The following CCDC150 variants were observed in gnomAD, a reference collection of about 807,000 sequenced individuals.
CCDC150 encodes the protein coiled-coil domain containing 150, also known as coiled-coil domain-containing protein 150.
Under a neutral mutation model 156.5 loss-of-function variants are expected in CCDC150, and 151 were observed. That is an observed-to-expected ratio of 0.97 (90% CI 0.85 to 1.10). CCDC150 has a LOEUF of 1.10. Among genes scored for constraint, CCDC150 ranks in the 50% least tolerant of loss-of-function variants. CCDC150 has a pLI of 0.00. For missense variants in CCDC150, 1,312 were observed against 1,268.1 expected (o/e 1.03, Z -0.53); for synonymous variants, 452 against 429.4 (o/e 1.05, Z -0.65).
At chr2:196,663,831 A>G (rs1324313489) in intron 5 of CCDC150, among the ~76,000 whole-genome samples, 1 of 152,150 alleles carries the variant, frequency 6.6e-6, no homozygotes, top group Non-Finnish European at 1.5e-5. Flanking sequence ...TATACTCTTA[A>G]TGTCATCTAC....
At chr2:196,702,317 CAG>C (rs1388899510) in intron 15 of CCDC150, among the ~76,000 whole-genome samples, 5 of 149,478 alleles carry the variant, frequency 3.3e-5, no homozygotes, top group African/African-American at 7.4e-5. Context: ...ATCAAAATCT[CAG>C]GGGATAGTTC....
At chr2:196,667,190 G>T (rs1693900417) in intron 7 of CCDC150, 1 of 315,148 alleles carries the variant, frequency 3.2e-6, no homozygotes, top group Non-Finnish European at 6.1e-6. Context: ...TATTAGTAAG[G>T]TAGTAAGGCC....
intron 6 of CCDC150, 64 bp from the exon 7 acceptor site, chr2:196,666,655 C>A: frequency 7.4e-7 from 1 of 1,356,630 alleles, no homozygotes; most frequent in Non-Finnish European, 1.0e-6. Flanking sequence ...TATACATGTG[C>A]TATAAGGCAG....
intron 5 of CCDC150, among the ~76,000 whole-genome samples, chr2:196,661,360 T>G (rs1311526152): frequency 2.6e-5 from 4 of 152,204 alleles, no homozygotes. Context: ...TCTGAGGCCT[T>G]TCTCCTTGGC....
chr2:196,656,704 A>T lies in CCDC150; in HGVS notation c.248A>T (p.Glu83Val). ...SQKVISPIQN[E>V]AICAGKTDIL... Reference sequence around the variant, plus strand: ...AAAGTCATTAGTCCTATCCAAAATGAAGCAATTTGTGCAGGAAAAACAGAT... The same window carrying T: ...AAAGTCATTAGTCCTATCCAAAATGTAGCAATTTGTGCAGGAAAAACAGAT... Residue 83 changes from glutamate (E) to valine (V), a missense_variant, in exon 3 of 28, where the codon GAA (glutamate) becomes GTA (valine). By Grantham distance (121) the Glu-to-Val change is moderately radical. Transcript: ENST00000389175. 6.2e-7 allele frequency: 1 copy of T among 1,613,784 alleles called. No homozygotes were observed. Among genetic ancestry groups the T allele is most frequent in the Non-Finnish European group, 8.5e-7 (1 of 1,179,786 alleles).
chr2:196,706,788 G>T (rs1386203160), intron 15 of CCDC150, among the ~76,000 whole-genome samples: 1 of 152,106 alleles, frequency 6.6e-6, no homozygotes, highest in South Asian at 2.1e-4. Context: ...TTTTTCATTG[G>T]TTCTGTTTAT....
chr2:196,659,202 T>C (rs1222190965), intron 5 of CCDC150, among the ~76,000 whole-genome samples: 1 of 152,212 alleles, frequency 6.6e-6, no homozygotes, highest in African/African-American at 2.4e-5. Context: ...AATAAAAAGC[T>C]ATTAATAAGT....
intron 2 of CCDC150, among the ~76,000 whole-genome samples, chr2:196,646,968 A>G (rs1302157517): frequency 1.3e-5 from 2 of 152,076 alleles, no homozygotes; most frequent in Non-Finnish European, 2.9e-5. Context: ...CTAAAAAACA[A>G]TTTTTTTCCC....
At chr2:196,730,819 A>G (rs1416379893) in intron 25 of CCDC150, 40 bp from the exon 26 acceptor site, 7 of 1,447,644 alleles carry the variant, frequency 4.8e-6, no homozygotes, top group Middle Eastern at 1.7e-4. Flanking sequence ...TTCTTATGGT[A>G]TGTTGGAAGT....
rs1044944979 is a variant in CCDC150 at position 196,689,062 on chromosome 2, C to T, written c.1510-5984C>T. On this transcript the variant is annotated intron_variant, in intron 13 of 27. Transcript: ENST00000389175. ...CAAAGATCAGATAGTTGTAGATATG[C>T]GGCGTTATTTCTGAGGGCTCTGTTC... 2.6e-4 allele frequency among the ~76,000 whole-genome samples: 39 copies of T among 152,104 alleles called. No homozygotes were observed. The South Asian group carries it at 3.5e-3, about 14-fold the overall frequency.
chr2:196,699,374 T>C (rs1428415484), intron 14 of CCDC150, among the ~76,000 whole-genome samples: 1 of 152,224 alleles, frequency 6.6e-6, no homozygotes, highest in African/African-American at 2.4e-5. Context: ...ATATTGGGTA[T>C]AAGTTTTTAT....
chr2:196,718,625 CAAG>C lies in CCDC150; in HGVS notation c.1993_1995del (p.Lys665del). On this transcript the variant is annotated inframe_deletion, in exon 18 of 28. Coordinates refer to ENST00000389175, the MANE Select transcript of CCDC150 (RefSeq NM_001080539.2). ...TCGAGGCTGTGGAGGACAGGGAAAACAAGAAGGCAAGGAATCAGTCCCTTCTGA... is the reference window on the plus strand; with the variant it reads ...TCGAGGCTGTGGAGGACAGGGAAAACAAGGCAAGGAATCAGTCCCTTCTGA... 1 of 1,612,944 alleles carries C rather than the reference CAAG, an allele frequency of 6.2e-7. No individual in the cohort carries two copies.
intron 15 of CCDC150, among the ~76,000 whole-genome samples, chr2:196,702,342 GCT>G (rs1696270756): frequency 2.0e-5 from 1 of 51,276 alleles, no homozygotes; most frequent in African/African-American, 5.3e-5. Context: ...TGACTGAAGT[GCT>G]GTGTGTGTGT....
chr2:196,686,085 T>C (rs182504568), intron 13 of CCDC150: 19 of 165,756 alleles, frequency 1.1e-4, no homozygotes, highest in Admixed American at 1.1e-3. Flanking sequence ...ACAGTTTACT[T>C]ATGTTTGTTT....
At chr2:196,708,068 CT>C (rs1696793805) in intron 15 of CCDC150, among the ~76,000 whole-genome samples, 1 of 152,066 alleles carries the variant, frequency 6.6e-6, no homozygotes, top group Admixed American at 6.6e-5. Context: ...CCTTGTTAAC[CT>C]TCTGTCTCAT....
At chr2:196,689,910 G>A (rs1353589467) in intron 13 of CCDC150, among the ~76,000 whole-genome samples, 6 of 152,078 alleles carry the variant, frequency 3.9e-5, no homozygotes, top group South Asian at 2.1e-4. Context: ...ATTATTTTGA[G>A]ATACATCCCA....
intron 2 of CCDC150, among the ~76,000 whole-genome samples, chr2:196,647,422 CAT>C (rs1692611820): frequency 6.6e-6 from 1 of 151,902 alleles, no homozygotes; most frequent in South Asian, 2.1e-4. Context: ...AAATATTTAA[CAT>C]ATTTTATCAC....
chr2:196,668,510 C>T (rs1227216867), intron 7 of CCDC150, among the ~76,000 whole-genome samples: 1 of 151,984 alleles, frequency 6.6e-6, no homozygotes, highest in Non-Finnish European at 1.5e-5. Context: ...AAGATTAAAA[C>T]AACAATAATT....
chr2:196,725,398 C>A (rs1364321752), intron 21 of CCDC150, among the ~76,000 whole-genome samples: 2 of 152,200 alleles, frequency 1.3e-5, no homozygotes, highest in East Asian at 3.8e-4. Context: ...CATATTATTT[C>A]AGGCAATTCC....
Sources: gnomAD v4.1 joint callset for allele counts (sites outside exome capture counted in the v4.1 genomes callset) on GRCh38, gnomAD v4.1.1 for gene constraint, MANE v1.5 for transcripts, NCBI Gene and HGNC (gene_info 2026-07-23, HGNC 2026-07-21) for gene names.